GTF2IRD1: variants seen among roughly 807,000 people sequenced by gnomAD.
The protein encoded by GTF2IRD1 is general transcription factor II-I repeat domain-containing protein 1.
Under a neutral mutation model 113.2 loss-of-function variants are expected in GTF2IRD1, and 26 were observed. That is an observed-to-expected ratio of 0.23 (90% CI 0.17 to 0.32). GTF2IRD1 has a LOEUF of 0.32. Ranked by LOEUF, GTF2IRD1 falls within the 10% of genes least tolerant of loss-of-function variation. The probability of loss-of-function intolerance (pLI) is 1.00; values close to 1 mark genes in which losing one functional copy is unlikely to be tolerated. For synonymous variants in GTF2IRD1, 484 were observed against 529.1 expected (o/e 0.91, Z 1.17); for missense variants, 864 against 1,280.8 (o/e 0.67, Z 4.97).
chr7:74,525,581 G>A lies in GTF2IRD1; in HGVS notation c.1090+1427G>A, dbSNP rs373212004. Among the ~76,000 whole-genome samples, 10 of 152,076 alleles carry A rather than the reference G, an allele frequency of 6.6e-5. No individual in the cohort carries two copies. The East Asian group carries it at 1.5e-3, about 24-fold the overall frequency. ...AGCCTGGCCAACATGGTGAAACCCC[G>A]TCTCTACAAAAATACAAAAATTAAC... On this transcript the variant is annotated intron_variant, in intron 8 of 26. Coordinates refer to ENST00000424337, the MANE Select transcript of GTF2IRD1 (RefSeq NM_005685.4).
chr7:74,519,834 C>T (rs1797161267), intron 6 of GTF2IRD1, 115 bp downstream of exon 6: 2 of 693,926 alleles, frequency 2.9e-6, no homozygotes, highest in Non-Finnish European at 4.9e-6. Context: ...TGGAAGGAGC[C>T]ATGTCTGGGC....
Position 74,536,199 on chromosome 7 carries a change from G to A in GTF2IRD1, c.1333G>A (p.Glu445Lys). ...GTTTACCAAAGACACCACGAAGCTG[G>A]AGCCAGCCAGCCCGCCAGAGGACAC... is the stretch of plus-strand genomic sequence containing the variant. Reference protein sequence around the residue: ...NKFTKDTTKLEPASPPEDTSA... With the variant: ...NKFTKDTTKLKPASPPEDTSA... Residue 445 changes from glutamate to lysine, a missense_variant, in exon 11 of 27, where the codon GAG (glutamate) becomes AAG (lysine). Physicochemically the swap from Glu to Lys is moderately conservative, Grantham distance 56. Around this residue, in one of 7 missense-constraint regions of GTF2IRD1, gnomAD observed 218 missense variants for 352.6 expected, o/e 0.62. Transcript: ENST00000424337. The A allele has an allele frequency of 6.2e-7, 1 of 1,613,780 alleles. No homozygotes were observed. The highest frequency in any genetic ancestry group is 8.5e-7 in the Non-Finnish European group (1 of 1,179,752).
chr7:74,586,624 G>A (rs1347115456), intron 22 of GTF2IRD1, among the ~76,000 whole-genome samples: 4 of 152,168 alleles, frequency 2.6e-5, no homozygotes, highest in Admixed American at 1.3e-4. Flanking sequence ...CCTGGGAAAA[G>A]GAGGAACCAG....
chr7:74,512,647 G>C lies in GTF2IRD1; in HGVS notation c.124-183G>C, dbSNP rs1193972255. The stretch of plus-strand genomic sequence containing the variant: ...CCACCCCCCATCGCCAATGCCTGCA[G>C]GGCCATTTCATTCAGTCCCACTACA... On this transcript the variant is annotated intron_variant, in intron 2 of 26. Transcript: ENST00000424337. This position sits in a 1 kb window ranked among gnomAD's most constrained non-coding sequence, Gnocchi z 4.4. 6.6e-6 allele frequency among the ~76,000 whole-genome samples: 1 copy of C among 152,216 alleles called. No individual in the cohort carries two copies. Among genetic ancestry groups the C allele is most frequent in the Non-Finnish European group, 1.5e-5 (1 of 68,040 alleles).
At chr7:74,462,890 TC>T (rs1375611652) in intron 1 of GTF2IRD1, among the ~76,000 whole-genome samples, 1 of 152,200 alleles carries the variant, frequency 6.6e-6, no homozygotes, top group Non-Finnish European at 1.5e-5. Context: ...CCCGCCGCCA[TC>T]CAGGTGGGCT....
At chr7:74,458,571 GGGCTTT>G (rs1793148742) in intron 1 of GTF2IRD1, among the ~76,000 whole-genome samples, 1 of 152,102 alleles carries the variant, frequency 6.6e-6, no homozygotes, top group Non-Finnish European at 1.5e-5. Flanking sequence ...TGTGGCAGAG[GGGCTTT>G]GGCCTGTAGG....
chr7:74,467,182 C>G (rs1793776272), intron 1 of GTF2IRD1, among the ~76,000 whole-genome samples: 1 of 152,078 alleles, frequency 6.6e-6, no homozygotes, highest in African/African-American at 2.4e-5. Flanking sequence ...CTCCTGACCT[C>G]AAGTGATCCA....
intron 17 of GTF2IRD1, among the ~76,000 whole-genome samples, chr7:74,550,603 T>A (rs1308068126): frequency 2.6e-5 from 4 of 151,564 alleles, no homozygotes; most frequent in African/African-American, 4.8e-5. Context: ...TTTTTTTTTT[T>A]AATTTTTTTA....
intron 22 of GTF2IRD1, among the ~76,000 whole-genome samples, chr7:74,569,418 GTC>G (rs1267039851): frequency 6.6e-6 from 1 of 152,180 alleles, no homozygotes; most frequent in Non-Finnish European, 1.5e-5. Context: ...CCACTCCCTG[GTC>G]TATGCTGTTC....
At chr7:74,549,302 C>CA (rs71813162) in intron 17 of GTF2IRD1, among the ~76,000 whole-genome samples, 1,725 of 108,004 alleles carry the variant, frequency 0.016, 20 homozygotes, top group Middle Eastern at 0.045. Flanking sequence ...GACTCTGTCT[C>CA]AAAAAAAAAA....
At chr7:74,459,499 T>C (rs1048163092) in intron 1 of GTF2IRD1, among the ~76,000 whole-genome samples, 18 of 149,492 alleles carry the variant, frequency 1.2e-4, no homozygotes, top group Admixed American at 4.7e-4. Flanking sequence ...ATAAGATAGG[T>C]GAAATGGGTG....
intron 1 of GTF2IRD1, among the ~76,000 whole-genome samples, chr7:74,502,806 A>G (rs1365743390): frequency 2.0e-5 from 3 of 152,142 alleles, no homozygotes; most frequent in Non-Finnish European, 4.4e-5. Flanking sequence ...GGAATAGGGA[A>G]CATCCCTAGA....
chr7:74,557,242 A>G (rs1799654294), intron 19 of GTF2IRD1, among the ~76,000 whole-genome samples: 1 of 152,094 alleles, frequency 6.6e-6, no homozygotes, highest in Non-Finnish European at 1.5e-5. Context: ...ATCCTCCTCC[A>G]TCTGCTAGAT....
chr7:74,550,662 C>A (rs1244875688), intron 17 of GTF2IRD1, among the ~76,000 whole-genome samples: 7 of 151,746 alleles, frequency 4.6e-5, no homozygotes, highest in African/African-American at 1.7e-4. Context: ...AATCCCAACA[C>A]CTTGGGAGGC....
intron 22 of GTF2IRD1, among the ~76,000 whole-genome samples, chr7:74,565,124 G>T (rs1800217632): frequency 6.6e-6 from 1 of 152,236 alleles, no homozygotes; most frequent in Non-Finnish European, 1.5e-5. Flanking sequence ...CCCGCAAGGG[G>T]CTGAGACAAC....
chr7:74,568,353 A>AAAAAAC (rs1186927216), intron 22 of GTF2IRD1, among the ~76,000 whole-genome samples: 20 of 150,184 alleles, frequency 1.3e-4, no homozygotes, highest in African/African-American at 4.6e-4. Flanking sequence ...AAAAAAAAAA[A>AAAAAAC]AAGAAGGAGA....
At chr7:74,544,695 G>T (rs1583845978) in intron 14 of GTF2IRD1, 60 bp from the exon 15 acceptor site, 1 of 1,538,302 alleles carries the variant, frequency 6.5e-7, no homozygotes, top group East Asian at 2.3e-5. Flanking sequence ...CCTGACGTCG[G>T]CAGTGCATGG....
chr7:74,563,327 T>G (rs1554359663), intron 22 of GTF2IRD1, among the ~76,000 whole-genome samples: 2 of 151,926 alleles, frequency 1.3e-5, no homozygotes, highest in Non-Finnish European at 2.9e-5. Context: ...CGCCTGTAAT[T>G]CCAGCACTTT....
At chr7:74,460,969 T>G (rs1584443803) in intron 1 of GTF2IRD1, among the ~76,000 whole-genome samples, 6 of 140,124 alleles carry the variant, frequency 4.3e-5, no homozygotes, top group South Asian at 2.4e-4. Context: ...GCCTCTGGAG[T>G]GGGGGAAATG....
Sources: allele counts gnomAD v4.1 joint callset (sites outside exome capture counted in the v4.1 genomes callset), GRCh38; gene constraint gnomAD v4.1.1; regional missense constraint gnomAD v4.1.1; non-coding constraint Gnocchi (gnomAD v3.1); transcripts MANE v1.5; gene names NCBI Gene and HGNC (gene_info 2026-07-23, HGNC 2026-07-21).